The following HMCN1 variants were observed in gnomAD, a reference collection of about 807,000 sequenced individuals.
HMCN1 encodes the protein hemicentin-1.
A neutral mutation model predicts 625.9 loss-of-function variants in HMCN1; 321 were observed. That is an observed-to-expected ratio of 0.51 (90% CI 0.47 to 0.56). The LOEUF is 0.56. Ranked by LOEUF, HMCN1 falls within the 20% of genes least tolerant of loss-of-function variation. HMCN1 has a pLI of 0.00. For synonymous variants in HMCN1, 2,425 were observed against 2,417.6 expected (o/e 1.00, Z -0.09); for missense variants, 6,588 against 6,887.3 (o/e 0.96, Z 1.54).
intron 40 of HMCN1, 62 bp downstream of exon 40, chr1:186,041,198 GA>G: frequency 1.4e-6 from 2 of 1,446,030 alleles, no homozygotes; most frequent in Non-Finnish European, 1.9e-6. Flanking sequence ...TAAAATCATT[GA>G]GAAAGTTAAG....
At chr1:185,991,470 A>G (rs943672982) in intron 22 of HMCN1, among the ~76,000 whole-genome samples, 1 of 152,136 alleles carries the variant, frequency 6.6e-6, no homozygotes, top group African/African-American at 2.4e-5. Flanking sequence ...CTACACATAC[A>G]TCCTTAAACA....
intron 100 of HMCN1, among the ~76,000 whole-genome samples, chr1:186,169,587 G>A (rs1478565127): frequency 1.3e-5 from 2 of 152,126 alleles, no homozygotes; most frequent in Non-Finnish European, 2.9e-5. Flanking sequence ...ATGGGGAAAG[G>A]ATTCCCTATC....
At chr1:185,892,874 G>A (rs999898292) in intron 4 of HMCN1, among the ~76,000 whole-genome samples, 7 of 152,296 alleles carry the variant, frequency 4.6e-5, no homozygotes, top group Non-Finnish European at 7.3e-5. Flanking sequence ...GTTTACCTAC[G>A]GAAGCCTGGT....
chr1:185,869,960 C>T (rs1390308507), intron 4 of HMCN1, among the ~76,000 whole-genome samples: 1 of 150,856 alleles, frequency 6.6e-6, no homozygotes, highest in Non-Finnish European at 1.5e-5. Flanking sequence ...GTTTCTTAAC[C>T]TGGGGGATAT....
At chr1:185,832,531 G>A (rs1369355150) in intron 1 of HMCN1, among the ~76,000 whole-genome samples, 1 of 151,998 alleles carries the variant, frequency 6.6e-6, no homozygotes, top group African/African-American at 2.4e-5. Flanking sequence ...GGAAAAAATG[G>A]GTTTTTCCAT....
At position 186,116,943 on chromosome 1, in the gene HMCN1, A is replaced by T. The variant is rs769102175; in HGVS notation, c.11562-51A>T. On this transcript the variant is annotated intron_variant, in intron 75 of 106. Transcript: ENST00000271588. ...GTACCATGTTAAACTAGCTGGGAAA[A>T]TTTATGAAAACCTACATATAGTATC... 56 of 1,605,314 alleles carry T rather than the reference A, an allele frequency of 3.5e-5. No homozygotes were observed. The African/African-American group carries it at 7.2e-4, about 21-fold the overall frequency.
At chr1:186,080,709 T>G (rs1659117652) in intron 55 of HMCN1, among the ~76,000 whole-genome samples, 1 of 152,188 alleles carries the variant, frequency 6.6e-6, no homozygotes, top group Admixed American at 6.5e-5. Flanking sequence ...CTGATACCAC[T>G]GGTGCTGAGG....
At chr1:185,969,964 A>G (rs933395578) in intron 14 of HMCN1, among the ~76,000 whole-genome samples, 2 of 152,194 alleles carry the variant, frequency 1.3e-5, no homozygotes, top group Non-Finnish European at 1.5e-5. Flanking sequence ...TGGTCTCTCA[A>G]ACATCTACTG....
chr1:185,885,326 C>T (rs1356113273), intron 4 of HMCN1, among the ~76,000 whole-genome samples: 4 of 151,830 alleles, frequency 2.6e-5, no homozygotes, highest in Admixed American at 1.3e-4. Context: ...TAAAGGCATA[C>T]AGACATAAAG....
intron 63 of HMCN1, 33 bp downstream of exon 63, chr1:186,088,788 T>G (rs1020172054): frequency 6.4e-7 from 1 of 1,571,978 alleles, no homozygotes; most frequent in South Asian, 1.1e-5. Context: ...TATCTTCAAT[T>G]TCTTTGTTAT....
At position 185,846,016 on chromosome 1, in the gene HMCN1, A is replaced by G. The variant is rs749747591; in HGVS notation, c.269-10A>G. ...CTGTTTATTGACCTATGTTATTTTT[A>G]TCTTCACAGAAATTGGCCCAGTGAC... On this transcript the variant is annotated splice_polypyrimidine_tract_variant and intron_variant, in intron 1 of 106. Transcript: ENST00000271588. 5 of 1,581,708 alleles carry G rather than the reference A, an allele frequency of 3.2e-6. No individual in the cohort carries two copies. In the East Asian group the frequency reaches 8.9e-5, roughly 28 times the overall value.
rs1658230472 is a variant in HMCN1, at chr1:186,067,924, C to T, written c.7796C>T (p.Ala2599Val). The T allele has an allele frequency of 6.2e-7, 1 of 1,613,176 alleles. No homozygotes were observed. Among genetic ancestry groups the T allele is most frequent in the African/African-American group, 1.3e-5 (1 of 74,902 alleles). ...LNSPTSLVCE[A>V]YSYPPATITW... ...AGCCCTACATCTTTGGTCTGTGAAG[C>T]TTATTCATATCCTCCAGCTACCATC... Residue 2599 changes from alanine to valine, a missense_variant, in exon 50 of 107, where the codon GCT becomes GTT. Physicochemically the swap from Ala to Val is moderately conservative, Grantham distance 64. This residue lies in a region of HMCN1 where 4,628 missense variants were observed against 4,853.1 expected (regional missense o/e 0.95). Transcript: ENST00000271588.
chr1:185,799,149 T>G (rs567462664), intron 1 of HMCN1, among the ~76,000 whole-genome samples: 1 of 152,344 alleles, frequency 6.6e-6, no homozygotes, highest in South Asian at 2.1e-4. Context: ...TGGTTATAGA[T>G]AGCCTCAGTG....
intron 36 of HMCN1, among the ~76,000 whole-genome samples, chr1:186,030,698 T>A (rs371695107): frequency 6.6e-6 from 1 of 152,110 alleles, no homozygotes; most frequent in African/African-American, 2.4e-5. Context: ...ACTGATGTGG[T>A]AGAGTTTATG....
At chr1:186,167,266 ATC>A (rs1208396735) in intron 100 of HMCN1, among the ~76,000 whole-genome samples, 1 of 152,218 alleles carries the variant, frequency 6.6e-6, no homozygotes, top group Admixed American at 6.5e-5. Flanking sequence ...GTCCAATAAA[ATC>A]TATTTCATAA....
chr1:186,068,938 A>C (rs1658313480), intron 50 of HMCN1, among the ~76,000 whole-genome samples: 1 of 152,146 alleles, frequency 6.6e-6, no homozygotes, highest in Non-Finnish European at 1.5e-5. Context: ...TGGTCAGAAA[A>C]AGCTTTGTTG....
chr1:185,973,205 C>A (rs1345508709), intron 15 of HMCN1, among the ~76,000 whole-genome samples: 1 of 152,120 alleles, frequency 6.6e-6, no homozygotes. Context: ...GCTGTTACTG[C>A]TGTTCCTCTA....
intron 1 of HMCN1, among the ~76,000 whole-genome samples, chr1:185,758,077 A>G (rs1464081839): frequency 2.6e-5 from 4 of 152,194 alleles, no homozygotes; most frequent in Non-Finnish European, 5.9e-5. Context: ...CTACAGTGTG[A>G]CTTACCAGCA....
chr1:185,899,348 A>G (rs1342868073), intron 4 of HMCN1, among the ~76,000 whole-genome samples: 1 of 152,156 alleles, frequency 6.6e-6, no homozygotes, highest in Non-Finnish European at 1.5e-5. Flanking sequence ...TGTCATAGTA[A>G]TAGACATTCA....
Sources: gnomAD v4.1 joint callset for allele counts (sites outside exome capture counted in the v4.1 genomes callset) on GRCh38, gnomAD v4.1.1 for gene constraint, gnomAD v4.1.1 regional missense constraint, MANE v1.5 for transcripts, NCBI Gene and HGNC (gene_info 2026-07-23, HGNC 2026-07-21) for gene names.